SPAG9: variants seen among roughly 807,000 people sequenced by gnomAD.
SPAG9 encodes the protein sperm associated antigen 9.
In SPAG9, 35 loss-of-function variants were observed where a neutral mutation model predicts 166.5. That is an observed-to-expected ratio of 0.21 (90% CI 0.16 to 0.28). The LOEUF (loss-of-function observed/expected upper bound fraction) is 0.28. Ranked by LOEUF, SPAG9 falls within the 10% of genes least tolerant of loss-of-function variation. SPAG9 has a pLI of 1.00. For synonymous variants in SPAG9, 534 were observed against 565.5 expected (o/e 0.94, Z 0.79); for missense variants, 1,235 against 1,603.3 (o/e 0.77, Z 3.92).
In SPAG9 at chr17:51,001,844, C is replaced by G; in HGVS notation, c.1478G>C (p.Ser493Thr). 1 of 1,611,616 alleles carries G rather than the reference C, an allele frequency of 6.2e-7. No homozygotes were observed. The highest frequency in any genetic ancestry group is 8.5e-7 in the Non-Finnish European group (1 of 1,179,130). Residue 493 changes from serine (S) to threonine (T), a missense_variant and splice_region_variant, in exon 13 of 30, where the codon AGT (serine) becomes ACT (threonine). By Grantham distance (58) the Ser-to-Thr change is moderately conservative. This residue lies in a region of SPAG9 where 125 missense variants were observed against 194.0 expected (regional missense o/e 0.64). Transcript: ENST00000262013. ...TTTCCTCTGGGCTGTGGGAATATCA[C>G]TCTATAATGACAAGAAAATGACATA... ...ARQKAKDDDD[S>T]DIPTAQRKRF...
intron 9 of SPAG9, among the ~76,000 whole-genome samples, chr17:51,011,202 T>C (rs976855545): frequency 6.6e-6 from 1 of 151,958 alleles, no homozygotes; most frequent in African/African-American, 2.4e-5. Flanking sequence ...GGTGCATGCC[T>C]GTAGTCCCAG....
intron 2 of SPAG9, among the ~76,000 whole-genome samples, chr17:51,078,739 T>C (rs1356083632): frequency 2.0e-5 from 3 of 151,814 alleles, no homozygotes; most frequent in African/African-American, 7.3e-5. Flanking sequence ...AAAAATAAAA[T>C]GATTCTGAAA....
intron 1 of SPAG9, among the ~76,000 whole-genome samples, chr17:51,081,168 C>T (rs2048152678): frequency 6.6e-6 from 1 of 152,142 alleles, no homozygotes; most frequent in Non-Finnish European, 1.5e-5. Flanking sequence ...CAGTGAAAGT[C>T]TCCTAATTAG....
rs143162982 is a variant in SPAG9, at chr17:51,109,637, TATA to T, written c.303+10714_303+10716del. Among the ~76,000 whole-genome samples, 425 of 152,336 alleles carry T rather than the reference TATA, an allele frequency of 2.8e-3. 17 individuals carry two copies. The East Asian group carries it at 0.063, about 23-fold the overall frequency. ...AACATATTAAGAAGCTAGTTAGCTATATAATAACTGACACATACTGTGCTCTTA... is the reference window on the plus strand; with the variant it reads ...AACATATTAAGAAGCTAGTTAGCTATATAACTGACACATACTGTGCTCTTA... On this transcript the variant is annotated intron_variant, in intron 1 of 29. Transcript: ENST00000262013.
rs140579835 is a variant in SPAG9, at chr17:51,038,087, G to T, written c.741+3414C>A. 3.9e-5 allele frequency among the ~76,000 whole-genome samples: 6 copies of T among 152,280 alleles called. No homozygotes were observed. In the East Asian group the frequency reaches 1.2e-3, roughly 29 times the overall value. On this transcript the variant is annotated intron_variant, in intron 5 of 29. Coordinates refer to ENST00000262013, the MANE Select transcript of SPAG9 (RefSeq NM_001130528.3). Reference sequence around the variant, plus strand: ...GCGTTAGTGAGACTACATGTAAACTGTGGTATTTGCACTGGCCTTGAATTA... The same window carrying T: ...GCGTTAGTGAGACTACATGTAAACTTTGGTATTTGCACTGGCCTTGAATTA...
intron 1 of SPAG9, among the ~76,000 whole-genome samples, chr17:51,118,777 T>G (rs932056410): frequency 3.9e-5 from 6 of 152,188 alleles, no homozygotes; most frequent in Non-Finnish European, 8.8e-5. Flanking sequence ...CGGTGGCTCA[T>G]GCCTGTAATC....
chr17:51,073,053 C>T (rs538742638), intron 2 of SPAG9, among the ~76,000 whole-genome samples: 37 of 151,846 alleles, frequency 2.4e-4, no homozygotes, highest in South Asian at 1.9e-3. Context: ...CAGCCGGGCG[C>T]GGTGGCTCAT....
chr17:51,116,520 T>C (rs187219945), intron 1 of SPAG9, among the ~76,000 whole-genome samples: 11 of 152,310 alleles, frequency 7.2e-5, no homozygotes, highest in Admixed American at 2.6e-4. Flanking sequence ...CCCAACACTT[T>C]GGCAGGATCC....
intron 5 of SPAG9, among the ~76,000 whole-genome samples, chr17:51,039,116 CT>C (rs1410766869): frequency 6.6e-6 from 1 of 152,228 alleles, no homozygotes; most frequent in Non-Finnish European, 1.5e-5. Context: ...TCACCTTAAC[CT>C]TACTTCACAG....
chr17:51,072,630 G>A (rs1166985409), intron 2 of SPAG9, among the ~76,000 whole-genome samples: 2 of 151,948 alleles, frequency 1.3e-5, no homozygotes, highest in Non-Finnish European at 1.5e-5. Context: ...GTTGCAGTGA[G>A]CCGAGATCGC....
chr17:51,119,650 C>G (rs1453926505), intron 1 of SPAG9, among the ~76,000 whole-genome samples: 1 of 152,116 alleles, frequency 6.6e-6, no homozygotes, highest in Admixed American at 6.6e-5. Context: ...ACCCCGCCCC[C>G]CAATCCTTTT....
chr17:51,120,690 T>C lies in SPAG9; in HGVS notation c.-34A>G. 1 of 1,531,176 alleles carries C rather than the reference T, an allele frequency of 6.5e-7. No homozygotes were observed. Among genetic ancestry groups the C allele is most frequent in the East Asian group, 2.5e-5 (1 of 40,772 alleles). The allele number at this position is 1,531,176 out of a possible 1,614,324, so 94.8% of individuals were successfully genotyped here. ...GCGGACGGGCGGGCGGCCCGGGGCG[T>C]CGCCGGCAGAGGGGCGGCACCTGCC... On this transcript the variant is annotated 5_prime_UTR_variant, in exon 1 of 30. Coordinates refer to ENST00000262013, the MANE Select transcript of SPAG9 (RefSeq NM_001130528.3). The surrounding 1 kb of genome is among the most constrained non-coding windows in gnomAD (Gnocchi z 4.7).
intron 3 of SPAG9, among the ~76,000 whole-genome samples, chr17:51,054,740 G>A (rs1244053913): frequency 1.3e-5 from 2 of 151,948 alleles, no homozygotes; most frequent in Non-Finnish European, 2.9e-5. Flanking sequence ...CTGGCCAAAT[G>A]TGGGTATTTT....
chr17:51,110,199 G>GTGTATA (rs2049067010), intron 1 of SPAG9, among the ~76,000 whole-genome samples: 1 of 152,098 alleles, frequency 6.6e-6, no homozygotes, highest in Non-Finnish European at 1.5e-5. Context: ...ATGTGTATGT[G>GTGTATA]TGTATATGTG....
At chr17:51,092,683 G>A (rs1317974400) in intron 1 of SPAG9, among the ~76,000 whole-genome samples, 2 of 150,890 alleles carry the variant, frequency 1.3e-5, no homozygotes, top group African/African-American at 4.9e-5. Context: ...GGAGGCAAAG[G>A]TGGGAAGATC....
chr17:50,990,523 A>G lies in SPAG9; in HGVS notation c.2544T>C (p.Ser848=). The G allele has an allele frequency of 6.2e-7, 1 of 1,614,248 alleles. No individual in the cohort carries two copies. The highest frequency in any genetic ancestry group is 8.5e-7 in the Non-Finnish European group (1 of 1,180,038). ...LLGGITVVGC[S]AEGVTGAATS... Reference sequence around the variant, plus strand: ...TGGCAGCTCCCGTCACACCTTCTGCAGAACAACCAACCACTGTGATGCCTC... The same window carrying G: ...TGGCAGCTCCCGTCACACCTTCTGCGGAACAACCAACCACTGTGATGCCTC... The change falls in exon 20 of 30, where the codon TCT becomes TCC. Residue 848 remains serine, a synonymous_variant. Transcript: ENST00000262013.
At chr17:51,036,895 CA>C (rs2046608783) in intron 5 of SPAG9, among the ~76,000 whole-genome samples, 1 of 152,112 alleles carries the variant, frequency 6.6e-6, no homozygotes, top group African/African-American at 2.4e-5. Context: ...AATACTATAC[CA>C]CCTTAATAAT....
At chr17:51,039,126 A>G (rs1379758739) in intron 5 of SPAG9, among the ~76,000 whole-genome samples, 2 of 152,230 alleles carry the variant, frequency 1.3e-5, no homozygotes, top group Non-Finnish European at 2.9e-5. Flanking sequence ...CTTACTTCAC[A>G]GAAAAATTGT....
intron 5 of SPAG9, among the ~76,000 whole-genome samples, chr17:51,037,810 C>T (rs1568028619): frequency 6.6e-6 from 1 of 150,884 alleles, no homozygotes; most frequent in Non-Finnish European, 1.5e-5. Context: ...AAGTGATCCT[C>T]CTGCCTTGGC....
Sources: gnomAD v4.1 joint callset for allele counts (sites outside exome capture counted in the v4.1 genomes callset) on GRCh38, gnomAD v4.1.1 for gene constraint, gnomAD v4.1.1 regional missense constraint, Gnocchi (gnomAD v3.1) non-coding constraint, MANE v1.5 for transcripts, NCBI Gene and HGNC (gene_info 2026-07-23, HGNC 2026-07-21) for gene names.